FMN2: variants seen among roughly 807,000 people sequenced by gnomAD.
The protein encoded by FMN2 is formin-2.
A neutral mutation model predicts 142.3 loss-of-function variants in FMN2; 51 were observed. That is an observed-to-expected ratio of 0.36 (90% CI 0.29 to 0.45). FMN2 has a LOEUF of 0.45. FMN2 is among the 20% of genes least tolerant of loss of function. The pLI, the probability that FMN2 is intolerant of heterozygous loss-of-function variation, is 1.00. For missense variants in FMN2, 1,936 were observed against 2,122.8 expected, an observed-to-expected ratio of 0.91 and a Z score of 1.73; for synonymous variants, 882 against 869.8, an observed-to-expected ratio of 1.01 and a Z score of -0.25.
chr1:240,267,155 C>T (rs115107698), intron 7 of FMN2, among the ~76,000 whole-genome samples: 2,426 of 152,050 alleles, frequency 0.016, 73 homozygotes, highest in African/African-American at 0.056. Flanking sequence ...ACAGAGTAAA[C>T]GGACAACCTA....
chr1:240,240,233 T>G (rs1667846758), intron 6 of FMN2, among the ~76,000 whole-genome samples: 1 of 152,140 alleles, frequency 6.6e-6, no homozygotes, highest in African/African-American at 2.4e-5. Flanking sequence ...CCAGACTGCC[T>G]GGCTCATTTC....
At chr1:240,302,435 A>C (rs1445127235) in intron 8 of FMN2, among the ~76,000 whole-genome samples, 4 of 152,022 alleles carry the variant, frequency 2.6e-5, no homozygotes, top group Admixed American at 2.6e-4. Flanking sequence ...TAACAAGGCA[A>C]CTCAAAAAAA....
At chr1:240,150,315 G>A (rs1391908683) in intron 2 of FMN2, among the ~76,000 whole-genome samples, 4 of 152,132 alleles carry the variant, frequency 2.6e-5, no homozygotes, top group Non-Finnish European at 4.4e-5. Flanking sequence ...CAAATCACGC[G>A]GGTGGAAACT....
At chr1:240,127,066 C>G (rs1222449461) in intron 2 of FMN2, among the ~76,000 whole-genome samples, 6 of 151,058 alleles carry the variant, frequency 4.0e-5, no homozygotes, top group Non-Finnish European at 5.9e-5. Context: ...ATGAGGACAG[C>G]AAGGGCTCAG....
chr1:240,259,487 CTT>C lies in FMN2; in HGVS notation c.4153+1472_4153+1473del, dbSNP rs35655150. Reference sequence around the variant, plus strand: ...TTTAGTCCCTTTGAAACCCTGTACACTTTTTTTTTTTTTTTTTTAATATGGTG... The same window carrying C: ...TTTAGTCCCTTTGAAACCCTGTACACTTTTTTTTTTTTTTTTAATATGGTG... On this transcript the variant is annotated intron_variant, in intron 7 of 17. Coordinates refer to ENST00000319653, the MANE Select transcript of FMN2 (RefSeq NM_020066.5). Among the ~76,000 whole-genome samples the C allele has an allele frequency of 4.4e-3, 596 of 134,232 alleles. 4 individuals carry two copies. Among genetic ancestry groups the C allele is most frequent in the African/African-American group, 0.016 (570 of 35,736 alleles). 88.1% of individuals were successfully genotyped at this position (134,232 alleles called of 152,430 possible). A position where few individuals can be genotyped will look rare whatever the true frequency, so the allele number is the denominator to read the frequency against.
At chr1:240,314,197 A>C (rs1338374842) in intron 8 of FMN2, among the ~76,000 whole-genome samples, 1 of 152,218 alleles carries the variant, frequency 6.6e-6, no homozygotes, top group Non-Finnish European at 1.5e-5. Flanking sequence ...GTAGTTTAAC[A>C]GAAAACACAT....
chr1:240,406,204 G>A lies in FMN2; in HGVS notation c.4910+13642G>A, dbSNP rs12071244. Among the ~76,000 whole-genome samples, 28 of 33,186 alleles carry A rather than the reference G, an allele frequency of 8.4e-4. 1 individual carries two copies. Among genetic ancestry groups the A allele is most frequent in the African/African-American group, 5.6e-3 (26 of 4,606 alleles). 21.8% of individuals were successfully genotyped at this position (33,186 alleles called of 152,430 possible). ...AGGGAAGCAGCCTCGGGAGTCGGGGGAGCGAAGGGAAGCAGCCTCGGGAGT... is the reference window on the plus strand; with the variant it reads ...AGGGAAGCAGCCTCGGGAGTCGGGGAAGCGAAGGGAAGCAGCCTCGGGAGT... On this transcript the variant is annotated intron_variant, in intron 15 of 17. Transcript: ENST00000319653.
intron 8 of FMN2, among the ~76,000 whole-genome samples, chr1:240,318,070 G>T (rs755678306): frequency 8.6e-5 from 13 of 152,024 alleles, no homozygotes; most frequent in African/African-American, 2.7e-4. Flanking sequence ...TCTTTTTCCC[G>T]CTTTCTAGTT....
At chr1:240,179,608 A>G (rs1351115324) in intron 3 of FMN2, 2 of 152,242 alleles carry the variant, frequency 1.3e-5, no homozygotes, top group African/African-American at 4.8e-5. Flanking sequence ...TCCTTTAAGC[A>G]AAGATCTTCA....
chr1:240,275,623 G>C (rs1402329507), intron 7 of FMN2, among the ~76,000 whole-genome samples: 1 of 152,052 alleles, frequency 6.6e-6, no homozygotes, highest in Non-Finnish European at 1.5e-5. Flanking sequence ...GGGATTGCTG[G>C]GTCAAATGGT....
chr1:240,328,146 T>TCAAAAAAAAAAAA (rs1671239029), intron 8 of FMN2, among the ~76,000 whole-genome samples: 1 of 12,820 alleles, frequency 7.8e-5, no homozygotes, highest in African/African-American at 4.6e-4. Context: ...AGACCCCATC[T>TCAAAAAAAAAAAA]CAAAAAAAAA....
chr1:240,323,263 C>T (rs538050608), intron 8 of FMN2, among the ~76,000 whole-genome samples: 8 of 151,886 alleles, frequency 5.3e-5, no homozygotes, highest in Admixed American at 4.6e-4. Flanking sequence ...GGCCCAATCT[C>T]GGCTCACTGC....
intron 8 of FMN2, among the ~76,000 whole-genome samples, chr1:240,314,360 G>A (rs1366778619): frequency 6.6e-6 from 1 of 152,110 alleles, no homozygotes; most frequent in Non-Finnish European, 1.5e-5. Context: ...GAGGGTTGCT[G>A]TATTACGTCT....
intron 16 of FMN2, among the ~76,000 whole-genome samples, chr1:240,460,663 A>C (rs1676418582): frequency 6.6e-6 from 1 of 151,742 alleles, no homozygotes; most frequent in African/African-American, 2.4e-5. Flanking sequence ...TAACATAAAT[A>C]TATAATGTAT....
chr1:240,437,325 G>T (rs548408676), intron 15 of FMN2, among the ~76,000 whole-genome samples: 3 of 143,540 alleles, frequency 2.1e-5, no homozygotes, highest in Non-Finnish European at 4.5e-5. Flanking sequence ...ACGGAGTCTG[G>T]CTCTGTTGCC....
intron 14 of FMN2, among the ~76,000 whole-genome samples, chr1:240,390,413 G>T (rs960849295): frequency 3.3e-5 from 5 of 152,136 alleles, no homozygotes; most frequent in African/African-American, 1.2e-4. Context: ...GGCCAAACTT[G>T]CTCACGCAAC....
intron 3 of FMN2, among the ~76,000 whole-genome samples, chr1:240,185,033 C>CCCCTTCTCTTTCTGCCTCCTATACCTT (rs1558345033): frequency 6.6e-5 from 1 of 15,038 alleles, no homozygotes; most frequent in African/African-American, 3.3e-4. Flanking sequence ...CCTATACCTT[C>CCCCTTCTCTTTCTGCCTCCTATACCTT]CCCCTTCTCT....
At chr1:240,123,064 T>C in intron 1 of FMN2, 115 bp from the exon 2 acceptor site, 3 of 1,140,500 alleles carry the variant, frequency 2.6e-6, no homozygotes, top group Non-Finnish European at 2.5e-6. Flanking sequence ...GCGCTGTCAG[T>C]AGCCTTGGAA....
intron 14 of FMN2, among the ~76,000 whole-genome samples, chr1:240,363,759 A>G (rs960711969): frequency 2.0e-5 from 3 of 152,136 alleles, no homozygotes; most frequent in African/African-American, 7.2e-5. Flanking sequence ...CTAGGGGTTC[A>G]GAACTTCCAG....
Sources: allele counts gnomAD v4.1 joint callset (sites outside exome capture counted in the v4.1 genomes callset), GRCh38; gene constraint gnomAD v4.1.1; transcripts MANE v1.5; gene names NCBI Gene and HGNC (gene_info 2026-07-23, HGNC 2026-07-21).